The following CFAP47 variants were observed in gnomAD, a reference collection of about 807,000 sequenced individuals.
CFAP47 encodes the protein cilia- and flagella-associated protein 47.
A neutral mutation model predicts 148.1 loss-of-function variants in CFAP47; 29 were observed. The ratio of observed to expected loss-of-function variants is 0.20; its 90% CI spans 0.15 to 0.27. CFAP47 has a LOEUF of 0.27. Among genes scored for constraint, CFAP47 ranks in the 10% least tolerant of loss-of-function variants. The pLI is 1.00. For synonymous variants in CFAP47, 664 were observed against 577.3 expected (o/e 1.15, Z -2.15); for missense variants, 1,872 against 1,697.5 (o/e 1.10, Z -1.81).
intron 26 of CFAP47, among the ~76,000 whole-genome samples, chrX:36,058,116 G>T (rs1432266934): frequency 8.9e-6 from 1 of 111,780 alleles, no homozygotes; most frequent in African/African-American, 3.2e-5. Flanking sequence ...ATATTAGCAT[G>T]ATTTATTTTC....
intron 57 of CFAP47, among the ~76,000 whole-genome samples, chrX:36,321,047 A>T (rs998996601): frequency 4.5e-5 from 5 of 111,947 alleles, no homozygotes; most frequent in Non-Finnish European, 7.5e-5. Context: ...TTAAGAAAGG[A>T]AATCAGTACA....
At chrX:35,994,692 A>T (rs147666385) in intron 18 of CFAP47, among the ~76,000 whole-genome samples, 1,863 of 110,932 alleles carry the variant, frequency 0.017, 44 homozygotes, top group African/African-American at 0.058. Context: ...TGGGAAAAAT[A>T]AAAAAAATGG....
At chrX:36,203,020 T>G (rs1233101490) in intron 44 of CFAP47, among the ~76,000 whole-genome samples, 1 of 111,994 alleles carries the variant, frequency 8.9e-6, no homozygotes, top group Non-Finnish European at 1.9e-5. Flanking sequence ...AGAAATTATT[T>G]ATTTTTTTAT....
rs782796174 is a variant in CFAP47, at chrX:36,221,823, G to A, written c.6818-6805G>A. Among the ~76,000 whole-genome samples, 54 of 111,197 alleles carry A rather than the reference G, an allele frequency of 4.9e-4. 1 individual carries two copies. The highest frequency in any genetic ancestry group is 1.9e-4 in the Admixed American group (2 of 10,375). Reference sequence around the variant, plus strand: ...AACACATATTCTCAAAATGTATAAAGCCAAAATCAATTAATGTGAAAAGAG... The same window carrying A: ...AACACATATTCTCAAAATGTATAAAACCAAAATCAATTAATGTGAAAAGAG... On this transcript the variant is annotated intron_variant, in intron 45 of 63. Coordinates refer to ENST00000378653, the MANE Select transcript of CFAP47 (RefSeq NM_001304548.2).
intron 46 of CFAP47, among the ~76,000 whole-genome samples, chrX:36,233,593 T>C (rs782238977): frequency 1.8e-5 from 2 of 111,968 alleles, no homozygotes; most frequent in South Asian, 7.5e-4. Flanking sequence ...GTGTTTTAAT[T>C]GGAGCATTTA....
intron 33 of CFAP47, among the ~76,000 whole-genome samples, chrX:36,114,032 G>A (rs888515067): frequency 9.1e-6 from 1 of 109,972 alleles, no homozygotes; most frequent in Non-Finnish European, 1.9e-5. Context: ...GGATGGTCTC[G>A]ATCTGCTGAC....
chrX:36,288,220 G>T (rs1452507685), intron 51 of CFAP47, among the ~76,000 whole-genome samples: 1 of 112,033 alleles, frequency 8.9e-6, no homozygotes, highest in Non-Finnish European at 1.9e-5. Flanking sequence ...CTTGCTGCAG[G>T]TTCCAAAACC....
chrX:36,264,926 T>G (rs1556000801), intron 49 of CFAP47, among the ~76,000 whole-genome samples: 1 of 112,281 alleles, frequency 8.9e-6, no homozygotes, highest in Non-Finnish European at 1.9e-5. Context: ...TTAAAACAAT[T>G]TTTATTTCTA....
chrX:35,984,029 A>G (rs1367227572), intron 15 of CFAP47, among the ~76,000 whole-genome samples: 1 of 111,728 alleles, frequency 9.0e-6, no homozygotes, highest in Non-Finnish European at 1.9e-5. Flanking sequence ...TAGTTTCAGT[A>G]AGAATGGTGC....
intron 33 of CFAP47, among the ~76,000 whole-genome samples, chrX:36,132,423 T>A (rs752304769): frequency 2.7e-5 from 3 of 111,898 alleles, no homozygotes; most frequent in Non-Finnish European, 3.8e-5. Context: ...AATATGTTTT[T>A]ATATTTTGCT....
At position 36,371,716 on chromosome X, in the gene CFAP47, G is replaced by A. The variant is rs782001956; in HGVS notation, c.9185+4589G>A. On this transcript the variant is annotated intron_variant, in intron 62 of 63. Transcript: ENST00000378653. ...TATACACACATGTGTATATATGTGT[G>A]TATATACACACATGTGTGTATATAT... 4.0e-4 allele frequency among the ~76,000 whole-genome samples: 25 copies of A among 62,337 alleles called. 1 individual carries two copies. The highest frequency in any genetic ancestry group is 6.1e-4 in the Non-Finnish European group (21 of 34,243). 54.1% of individuals were successfully genotyped at this position (62,337 alleles called of 115,157 possible). A position where few individuals can be genotyped will look rare whatever the true frequency, so the allele number is the denominator to read the frequency against.
intron 24 of CFAP47, 91 bp downstream of exon 24, chrX:36,035,945 ATT>A (rs1288359058): frequency 3.7e-6 from 1 of 272,363 alleles, no homozygotes; most frequent in African/African-American, 2.8e-5. Context: ...AATTTAGATT[ATT>A]TGTTATTTCT....
At chrX:36,371,650 ATATATGTGTGTATATACACACATGTGT>A (rs1941941708) in intron 62 of CFAP47, among the ~76,000 whole-genome samples, 1 of 84,558 alleles carries the variant, frequency 1.2e-5, no homozygotes, top group Non-Finnish European at 2.2e-5. Flanking sequence ...ACATATGTGT[ATATATGTGTGTATATACACACATGTGT>A]ATATATGTGT....
At chrX:36,357,403 C>G (rs1349035300) in intron 60 of CFAP47, among the ~76,000 whole-genome samples, 1 of 111,536 alleles carries the variant, frequency 9.0e-6, no homozygotes, top group East Asian at 2.8e-4. Flanking sequence ...CCACTGTGCT[C>G]TCTTCATCCT....
At chrX:36,049,634 C>CA (rs1370011857) in intron 26 of CFAP47, among the ~76,000 whole-genome samples, 1 of 110,871 alleles carries the variant, frequency 9.0e-6, no homozygotes, top group Admixed American at 9.7e-5. Context: ...ATTAATGAGG[C>CA]AAAATCTCAT....
In CFAP47 at chrX:36,215,184, G is replaced by T. The variant is rs183268866; in HGVS notation, c.6817+10074G>T. 3.3e-3 allele frequency among the ~76,000 whole-genome samples: 369 copies of T among 111,420 alleles called. 1 individual carries two copies. The highest frequency in any genetic ancestry group is 0.011 in the African/African-American group (331 of 30,663). On this transcript the variant is annotated intron_variant, in intron 45 of 63. Coordinates refer to ENST00000378653, the MANE Select transcript of CFAP47 (RefSeq NM_001304548.2). ...ACCACCATCATATAGGCACTCAGTGGTTGACCAGATAGTGCATGACTGTAT... is the reference window on the plus strand; with the variant it reads ...ACCACCATCATATAGGCACTCAGTGTTTGACCAGATAGTGCATGACTGTAT...
At chrX:36,050,331 G>A (rs778915665) in intron 26 of CFAP47, among the ~76,000 whole-genome samples, 1 of 111,774 alleles carries the variant, frequency 8.9e-6, no homozygotes, top group African/African-American at 3.3e-5. Flanking sequence ...AAGACAGGAA[G>A]TTGTAGGAAA....
At chrX:36,054,922 G>A (rs977864166) in intron 26 of CFAP47, among the ~76,000 whole-genome samples, 2 of 109,014 alleles carry the variant, frequency 1.8e-5, no homozygotes, top group African/African-American at 6.7e-5. Flanking sequence ...ACAGGCGCCC[G>A]CCACCACGCC....
rs1941296699 is a variant in CFAP47 at position 36,301,282 on chromosome X, T to C, written c.7970+103T>C. Reference sequence around the variant, plus strand: ...CAGTTTCTAAAATAAAGAATAAATATATCTTTAGTCATTGATTTTTTTTCC... The same window carrying C: ...CAGTTTCTAAAATAAAGAATAAATACATCTTTAGTCATTGATTTTTTTTCC... On this transcript the variant is annotated intron_variant, in intron 53 of 63. Transcript: ENST00000378653. The C allele has an allele frequency of 8.5e-6, 4 of 467,981 alleles. No individual in the cohort carries two copies. The South Asian group carries it at 1.6e-4, about 19-fold the overall frequency. 38.6% of individuals were successfully genotyped at this position (467,981 alleles called of 1,213,427 possible).
Sources: allele counts gnomAD v4.1 joint callset (sites outside exome capture counted in the v4.1 genomes callset), GRCh38; gene constraint gnomAD v4.1.1; transcripts MANE v1.5; gene names NCBI Gene and HGNC (gene_info 2026-07-23, HGNC 2026-07-21).